The following TNFSF15 variants were observed in gnomAD, a reference collection of about 807,000 sequenced individuals.
TNFSF15 encodes tumor necrosis factor ligand superfamily member 15.
TNFSF15 carries 15 observed loss-of-function variants against 26.4 expected under a neutral mutation model. The observed-to-expected ratio is 0.57, with a 90% confidence interval of 0.38 to 0.87. TNFSF15 has a LOEUF of 0.87. TNFSF15 is among the 40% of genes least tolerant of loss of function. The pLI, the probability that TNFSF15 is intolerant of heterozygous loss-of-function variation, is 0.00. For synonymous variants in TNFSF15, 116 were observed against 115.0 expected (o/e 1.01, Z -0.06); for missense variants, 290 against 306.1 (o/e 0.95, Z 0.39).
intron 1 of TNFSF15, among the ~76,000 whole-genome samples, chr9:114,801,947 C>T (rs957183884): frequency 7.2e-5 from 11 of 152,190 alleles, no homozygotes; most frequent in Non-Finnish European, 1.2e-4. Flanking sequence ...CTTTTGTGCG[C>T]TTCCTGAGAT....
chr9:114,787,607 T>C lies in TNFSF15; in HGVS notation c.*2845A>G, dbSNP rs780449526. The C allele has an allele frequency of 6.5e-6, 1 of 153,144 alleles. No individual in the cohort carries two copies. Among genetic ancestry groups the C allele is most frequent in the Non-Finnish European group, 1.5e-5 (1 of 68,024 alleles). The allele number at this position is 153,144 out of a possible 1,614,324, so 9.5% of individuals were successfully genotyped here. A position where few individuals can be genotyped will look rare whatever the true frequency, so the allele number is the denominator to read the frequency against. On this transcript the variant is annotated 3_prime_UTR_variant, in exon 4 of 4. Transcript: ENST00000374045. ...CCTCCCAAACCCTGAATACACCCCATTAACCCCTTTTAGGGGAACATCACA... is the reference window on the plus strand; with the variant it reads ...CCTCCCAAACCCTGAATACACCCCACTAACCCCTTTTAGGGGAACATCACA...
At chr9:114,792,769 T>C (rs945647603) in intron 2 of TNFSF15, among the ~76,000 whole-genome samples, 2 of 152,164 alleles carry the variant, frequency 1.3e-5, no homozygotes, top group Non-Finnish European at 2.9e-5. Flanking sequence ...TAGATGGAGG[T>C]GCTTAGCATG....
rs574412230 is a variant in TNFSF15, at chr9:114,803,772, A to G, written c.210+2031T>C. On this transcript the variant is annotated intron_variant, in intron 1 of 3. Coordinates refer to ENST00000374045, the MANE Select transcript of TNFSF15 (RefSeq NM_005118.4). ...GACTGCCTTTCTCCCCAGAGCCCTT[A>G]GGTCTTCCAGGCAGGCCCTCTCCTA... Among the ~76,000 whole-genome samples the G allele has an allele frequency of 5.9e-5, 9 of 152,238 alleles. No individual in the cohort carries two copies. In the South Asian group the frequency reaches 1.9e-3, roughly 32 times the overall value.
intron 1 of TNFSF15, among the ~76,000 whole-genome samples, chr9:114,796,256 C>A (rs1028178605): frequency 3.9e-5 from 6 of 152,116 alleles, no homozygotes; most frequent in African/African-American, 9.7e-5. Context: ...CAGTTTTCTC[C>A]TTTTCCTTGA....
chr9:114,790,940 T>C (rs768134246), intron 3 of TNFSF15, 34 bp from the exon 4 acceptor site: 1 of 1,604,978 alleles, frequency 6.2e-7, no homozygotes, highest in Middle Eastern at 1.7e-4. Flanking sequence ...AATTTTCTCA[T>C]TGGGAAACTG....
chr9:114,790,401 A>G lies in TNFSF15; in HGVS notation c.*51T>C. ...TTATAATTACATTTGAACAAAGAAA[A>G]TTAGGAACTCGGTGGCAGAGGACTT... is the stretch of plus-strand genomic sequence containing the variant. On this transcript the variant is annotated 3_prime_UTR_variant, in exon 4 of 4. Transcript: ENST00000374045. The G allele has an allele frequency of 6.7e-7, 1 of 1,501,872 alleles. No homozygotes were observed. The highest frequency in any genetic ancestry group is 8.9e-7 in the Non-Finnish European group (1 of 1,118,492). 93.0% of individuals were successfully genotyped at this position (1,501,872 alleles called of 1,614,324 possible).
rs1215866630 is a variant in TNFSF15 at position 114,786,622 on chromosome 9, A to C, written c.*3830T>G. ...TTTCTTACTGTACCTTAGTAAAAAA[A>C]AAATCAGAGTCCGGGCACAGTGGCT... is the stretch of plus-strand genomic sequence containing the variant. On this transcript the variant is annotated 3_prime_UTR_variant, in exon 4 of 4. Transcript: ENST00000374045. 1 of 152,166 alleles carries C rather than the reference A, an allele frequency of 6.6e-6. No individual in the cohort carries two copies. The highest frequency in any genetic ancestry group is 2.4e-5 in the African/African-American group (1 of 41,438). The allele number at this position is 152,166 out of a possible 1,614,324, so 9.4% of individuals were successfully genotyped here.
Position 114,790,690 on chromosome 9 carries a change from T to C in TNFSF15, c.518A>G (p.Lys173Arg). 1 of 1,614,080 alleles carries C rather than the reference T, an allele frequency of 6.2e-7. No individual in the cohort carries two copies. Among genetic ancestry groups the C allele is most frequent in the South Asian group, 1.1e-5 (1 of 91,066 alleles). The stretch of plus-strand genomic sequence containing the variant: ...GATGACCACAGTGATGGAGTCTGGC[T>C]TGTTTGGTCGGCCTGCTTGTCTGAT... Reference protein sequence around the residue: ...SEIRQAGRPNKPDSITVVITK... With the variant: ...SEIRQAGRPNRPDSITVVITK... The change falls in exon 4 of 4, where the codon AAG becomes AGG. Residue 173 changes from lysine (K) to arginine (R), a missense_variant. By Grantham distance (26) the Lys-to-Arg change is conservative. This residue lies in a region of TNFSF15 where 102 missense variants were observed against 114.7 expected (regional missense o/e 0.89). Transcript: ENST00000374045.
intron 1 of TNFSF15, among the ~76,000 whole-genome samples, chr9:114,803,179 T>C (rs1829771408): frequency 6.6e-6 from 1 of 152,222 alleles, no homozygotes; most frequent in East Asian, 1.9e-4. Context: ...TGAAATTCCA[T>C]AGCACCTCTC....
chr9:114,792,412 A>G lies in TNFSF15; in HGVS notation c.296T>C (p.Leu99Pro). ...RADGDKPRAHLTVVRQTPTQH... is the reference protein window; with the variant it reads ...RADGDKPRAHPTVVRQTPTQH... ...AACACAGCAGGGAGGCTTACCTGTC[A>G]GGTGTGCCCTTGGCTTATCTCCGTC... The change falls in exon 3 of 4, where the codon CTG becomes CCG. Residue 99 changes from leucine (L) to proline (P), a missense_variant. Coordinates refer to ENST00000374045, the MANE Select transcript of TNFSF15 (RefSeq NM_005118.4). 1 of 1,614,026 alleles carries G rather than the reference A, an allele frequency of 6.2e-7. No homozygotes were observed. The highest frequency in any genetic ancestry group is 8.5e-7 in the Non-Finnish European group (1 of 1,179,926).
At position 114,784,884 on chromosome 9, in the gene TNFSF15, C is replaced by T. The variant is rs1829470888; in HGVS notation, c.*5568G>A. 1 of 152,172 alleles carries T rather than the reference C, an allele frequency of 6.6e-6. No individual in the cohort carries two copies. The highest frequency in any genetic ancestry group is 2.1e-4 in the South Asian group (1 of 4,828). The allele number at this position is 152,172 out of a possible 1,614,324, so 9.4% of individuals were successfully genotyped here. On this transcript the variant is annotated 3_prime_UTR_variant, in exon 4 of 4. Coordinates refer to ENST00000374045, the MANE Select transcript of TNFSF15 (RefSeq NM_005118.4). The stretch of plus-strand genomic sequence containing the variant: ...GGGTTTGTCACTAAAACCACATAAA[C>T]ACCTACACTTCTTCAATCTGTACAC...
rs1490097448 is a variant in TNFSF15 at position 114,799,669 on chromosome 9, T to C, written c.211-6101A>G. The stretch of plus-strand genomic sequence containing the variant: ...GGGGTCAGGCTGGGAGATGACCTCT[T>C]GTAGCCAGTGTGTGGTCTGCAGTGT... On this transcript the variant is annotated intron_variant, in intron 1 of 3. Transcript: ENST00000374045. Among the ~76,000 whole-genome samples the C allele has an allele frequency of 3.3e-5, 5 of 152,320 alleles. No homozygotes were observed. In the East Asian group the frequency reaches 7.7e-4, roughly 24 times the overall value.
In TNFSF15 at chr9:114,789,131, C is replaced by G. The variant is rs1829550858; in HGVS notation, c.*1321G>C. The G allele has an allele frequency of 1.3e-5, 2 of 152,162 alleles. No homozygotes were observed. The highest frequency in any genetic ancestry group is 2.4e-5 in the African/African-American group (1 of 41,432). The allele number at this position is 152,162 out of a possible 1,614,324, so 9.4% of individuals were successfully genotyped here. On this transcript the variant is annotated 3_prime_UTR_variant, in exon 4 of 4. Transcript: ENST00000374045. ...CCCCCATGGAATAAGTCCATTGTCT[C>G]TCAGCATCAAACAAGTTGGCAGTGT... is the stretch of plus-strand genomic sequence containing the variant.
chr9:114,805,792 A>G lies in TNFSF15; in HGVS notation c.210+11T>C. ...TGCTCCTCCCCAAGGTCAGAGTGCC[A>G]TGTGGCTTACCTGGAACTGCACACA... On this transcript the variant is annotated intron_variant, in intron 1 of 3. Transcript: ENST00000374045. 1.2e-6 allele frequency: 2 copies of G among 1,612,112 alleles called. No homozygotes were observed. The highest frequency in any genetic ancestry group is 1.7e-6 in the Non-Finnish European group (2 of 1,179,564).
At position 114,787,259 on chromosome 9, in the gene TNFSF15, G is replaced by A. The variant is rs1157521300; in HGVS notation, c.*3193C>T. 1 of 152,142 alleles carries A rather than the reference G, an allele frequency of 6.6e-6. No homozygotes were observed. Among genetic ancestry groups the A allele is most frequent in the Admixed American group, 6.5e-5 (1 of 15,270 alleles). The allele number at this position is 152,142 out of a possible 1,614,324, so 9.4% of individuals were successfully genotyped here. A position where few individuals can be genotyped will look rare whatever the true frequency, so the allele number is the denominator to read the frequency against. ...AGCTATTTTTAAAAAAACACTTCGA[G>A]TAAACACAAATCATTTTGTTAGTCA... On this transcript the variant is annotated 3_prime_UTR_variant, in exon 4 of 4. Coordinates refer to ENST00000374045, the MANE Select transcript of TNFSF15 (RefSeq NM_005118.4).
chr9:114,789,660 G>A lies in TNFSF15; in HGVS notation c.*792C>T, dbSNP rs868668684. 6.6e-6 allele frequency: 1 copy of A among 152,180 alleles called. No homozygotes were observed. Among genetic ancestry groups the A allele is most frequent in the South Asian group, 2.1e-4 (1 of 4,830 alleles). 9.4% of individuals were successfully genotyped at this position (152,180 alleles called of 1,614,324 possible). A position where few individuals can be genotyped will look rare whatever the true frequency, so the allele number is the denominator to read the frequency against. ...GAGTATGTTGACTGATGTTTGATCA[G>A]GAAGTATCTAGTGGTGTTCATATAA... On this transcript the variant is annotated 3_prime_UTR_variant, in exon 4 of 4. Transcript: ENST00000374045.
At chr9:114,803,241 C>G (rs115400471) in intron 1 of TNFSF15, among the ~76,000 whole-genome samples, 239 of 152,234 alleles carry the variant, frequency 1.6e-3, no homozygotes, top group African/African-American at 5.5e-3. Context: ...TCTGTAGTTG[C>G]CTGGTGCCTG....
At chr9:114,793,402 G>T in intron 2 of TNFSF15, 124 bp downstream of exon 2, 1 of 1,147,118 alleles carries the variant, frequency 8.7e-7, no homozygotes, top group Non-Finnish European at 1.3e-6. Flanking sequence ...TTTCTCCTCT[G>T]GATTTGCATC....
chr9:114,792,498 A>G, intron 2 of TNFSF15, 44 bp from the exon 3 acceptor site: 5 of 1,613,516 alleles, frequency 3.1e-6, no homozygotes, highest in Non-Finnish European at 4.2e-6. Flanking sequence ...ACAAAGGGTG[A>G]CTGAAATGAA....
Sources: gnomAD v4.1 joint callset for allele counts (sites outside exome capture counted in the v4.1 genomes callset) on GRCh38, gnomAD v4.1.1 for gene constraint, gnomAD v4.1.1 regional missense constraint, MANE v1.5 for transcripts, NCBI Gene and HGNC (gene_info 2026-07-23, HGNC 2026-07-21) for gene names.